LRP2: variants seen among roughly 807,000 people sequenced by gnomAD.
The protein encoded by LRP2 is LDL receptor related protein 2, also known as low-density lipoprotein receptor-related protein 2.
LRP2 carries 172 observed loss-of-function variants against 531.0 expected under a neutral mutation model. That is an observed-to-expected ratio of 0.32 (90% CI 0.29 to 0.37). LRP2 has a LOEUF of 0.37. Ranked by LOEUF, LRP2 falls within the 10% of genes least tolerant of loss-of-function variation. The pLI is 1.00. For synonymous variants in LRP2, 1,992 were observed against 2,027.6 expected, an observed-to-expected ratio of 0.98 and a Z score of 0.47; for missense variants, 5,167 against 5,868.3, an observed-to-expected ratio of 0.88 and a Z score of 3.90.
chr2:169,311,532 A>C (rs980846635), intron 3 of LRP2, among the ~76,000 whole-genome samples: 1 of 152,092 alleles, frequency 6.6e-6, no homozygotes, highest in African/African-American at 2.4e-5. Context: ...CTTAATCCTG[A>C]GTTTTAGTTT....
intron 63 of LRP2, among the ~76,000 whole-genome samples, chr2:169,161,502 G>A (rs931225384): frequency 6.6e-6 from 1 of 152,014 alleles, no homozygotes; most frequent in African/African-American, 2.4e-5. Flanking sequence ...TTTGAGACAA[G>A]GTCTTGCTTT....
At chr2:169,352,811 T>A (rs1204954656) in intron 1 of LRP2, among the ~76,000 whole-genome samples, 1 of 72,256 alleles carries the variant, frequency 1.4e-5, no homozygotes, top group Non-Finnish European at 4.1e-5. Flanking sequence ...TGAGAACACA[T>A]GGTCACAGGG....
At chr2:169,256,376 A>G in intron 18 of LRP2, 140 bp from the exon 19 acceptor site, 1 of 558,654 alleles carries the variant, frequency 1.8e-6, no homozygotes, top group Admixed American at 3.4e-5. Flanking sequence ...ATTCATTAAA[A>G]ATTTAACAGT....
At chr2:169,305,145 A>G (rs752473414) in intron 4 of LRP2, among the ~76,000 whole-genome samples, 1 of 152,238 alleles carries the variant, frequency 6.6e-6, no homozygotes, top group Non-Finnish European at 1.5e-5. Context: ...GAACTCTGCT[A>G]GGAAATGGAG....
In LRP2 at chr2:169,242,444, G is replaced by C. The variant is rs994933949; in HGVS notation, c.3667+512C>G. ...TGCCATTTCTAAGACCCTTGTAACTGTCTATCTTGCTTAATTGTCTCTTGC... is the reference window on the plus strand; with the variant it reads ...TGCCATTTCTAAGACCCTTGTAACTCTCTATCTTGCTTAATTGTCTCTTGC... On this transcript the variant is annotated intron_variant, in intron 24 of 78. Coordinates refer to ENST00000649046, the MANE Select transcript of LRP2 (RefSeq NM_004525.3). 9.2e-5 allele frequency among the ~76,000 whole-genome samples: 14 copies of C among 152,298 alleles called. No homozygotes were observed. In the South Asian group the frequency reaches 1.2e-3, roughly 14 times the overall value.
intron 6 of LRP2, among the ~76,000 whole-genome samples, chr2:169,293,455 C>A (rs1684052804): frequency 6.6e-6 from 1 of 152,108 alleles, no homozygotes; most frequent in Non-Finnish European, 1.5e-5. Context: ...GCGGGCGGAT[C>A]ACTTGAGATC....
chr2:169,260,513 G>A (rs762185780), intron 16 of LRP2, among the ~76,000 whole-genome samples: 3 of 152,046 alleles, frequency 2.0e-5, no homozygotes, highest in Non-Finnish European at 1.5e-5. Flanking sequence ...GTTGGATGAA[G>A]CATCCACTTA....
chr2:169,131,521 C>T (rs375515176), intron 77 of LRP2, among the ~76,000 whole-genome samples: 2 of 152,226 alleles, frequency 1.3e-5, no homozygotes, highest in East Asian at 3.9e-4. Flanking sequence ...TACTCTTAGA[C>T]TTTCATTTCT....
intron 50 of LRP2, chr2:169,182,522 A>T: frequency 6.8e-7 from 1 of 1,461,614 alleles, no homozygotes; most frequent in Non-Finnish European, 9.0e-7. Context: ...TGTGTGCAAT[A>T]ATTCCCACTT....
Position 169,185,433 on chromosome 2 carries a change from T to C in LRP2, c.9845+70A>G, listed in dbSNP as rs928930157. 2.7e-6 allele frequency: 4 copies of C among 1,499,986 alleles called. No homozygotes were observed. The African/African-American group carries it at 4.2e-5, about 16-fold the overall frequency. The allele number at this position is 1,499,986 out of a possible 1,614,324, so 92.9% of individuals were successfully genotyped here. On this transcript the variant is annotated intron_variant, in intron 50 of 78. Transcript: ENST00000649046. ...AACCCAAGTTGAAAAATTAATTTCC[T>C]ATCAAGATGAAAACATGGTTAGAAT... is the stretch of plus-strand genomic sequence containing the variant.
intron 48 of LRP2, 32 bp from the exon 49 acceptor site, chr2:169,188,297 G>C (rs1441098742): frequency 6.2e-7 from 1 of 1,611,500 alleles, no homozygotes; most frequent in Admixed American, 1.7e-5. Context: ...CACTTTCAGA[G>C]AGGTTGGCAA....
chr2:169,326,167 T>C (rs187400596), intron 1 of LRP2, among the ~76,000 whole-genome samples: 6 of 30,504 alleles, frequency 2.0e-4, no homozygotes, highest in African/African-American at 4.8e-4. Flanking sequence ...CCTCTCCCTC[T>C]CCCTCCCCCT....
At chr2:169,200,534 G>A (rs1461498042) in intron 44 of LRP2, among the ~76,000 whole-genome samples, 1 of 152,002 alleles carries the variant, frequency 6.6e-6, no homozygotes, top group East Asian at 1.9e-4. Flanking sequence ...GGACAACTGG[G>A]CACCAAGAAA....
chr2:169,184,959 C>T (rs1338586597), intron 50 of LRP2, among the ~76,000 whole-genome samples: 2 of 152,212 alleles, frequency 1.3e-5, no homozygotes, highest in South Asian at 2.1e-4. Context: ...ACAGATTTCG[C>T]CATGTTGCCC....
At chr2:169,182,108 G>A (rs759835844) in intron 51 of LRP2, 59 bp downstream of exon 51, 26 of 1,600,450 alleles carry the variant, frequency 1.6e-5, no homozygotes, top group South Asian at 1.3e-4. Context: ...CAGCCTTCTC[G>A]GTAACAGAGG....
At chr2:169,245,377 T>C (rs181902753) in intron 21 of LRP2, among the ~76,000 whole-genome samples, 4 of 152,268 alleles carry the variant, frequency 2.6e-5, no homozygotes, top group Admixed American at 6.5e-5. Flanking sequence ...AAATATGTCA[T>C]ATGAAAAGTG....
intron 1 of LRP2, among the ~76,000 whole-genome samples, chr2:169,338,058 G>A (rs1046425115): frequency 2.6e-5 from 4 of 151,944 alleles, no homozygotes; most frequent in Admixed American, 1.3e-4. Context: ...AGTGAGCTAT[G>A]ATCATGCCAC....
At chr2:169,163,180 C>T (rs1686652616) in intron 62 of LRP2, among the ~76,000 whole-genome samples, 1 of 152,156 alleles carries the variant, frequency 6.6e-6, no homozygotes, top group Non-Finnish European at 1.5e-5. Flanking sequence ...AAGCTATCAC[C>T]TCGGAAAAAC....
chr2:169,245,918 C>T (rs1304848490), intron 21 of LRP2, among the ~76,000 whole-genome samples: 1 of 152,194 alleles, frequency 6.6e-6, no homozygotes, highest in South Asian at 2.1e-4. Context: ...GTTGCACAGG[C>T]TGAAGTACAC....
Sources: gnomAD v4.1 joint callset for allele counts (sites outside exome capture counted in the v4.1 genomes callset) on GRCh38, gnomAD v4.1.1 for gene constraint, MANE v1.5 for transcripts, NCBI Gene and HGNC (gene_info 2026-07-23, HGNC 2026-07-21) for gene names.